INPP4B: variants seen among roughly 807,000 people sequenced by gnomAD.
INPP4B encodes inositol polyphosphate-4-phosphatase type II B.
In INPP4B, 55 loss-of-function variants were observed where a neutral mutation model predicts 122.5. The ratio of observed to expected loss-of-function variants is 0.45; its 90% confidence interval spans 0.36 to 0.56. The LOEUF (loss-of-function observed/expected upper bound fraction) is 0.56, where lower values mean the gene tolerates loss of function less well. Ranked by LOEUF, INPP4B falls within the 20% of genes least tolerant of loss-of-function variation. The pLI, the probability that INPP4B is intolerant of heterozygous loss-of-function variation, is 0.00. For missense variants in INPP4B, 1,000 were observed against 1,097.7 expected, an observed-to-expected ratio of 0.91 and a Z score of 1.26; for synonymous variants, 403 against 388.7, an observed-to-expected ratio of 1.04 and a Z score of -0.43.
chr4:142,259,210 G>C (rs1333896945), intron 11 of INPP4B, among the ~76,000 whole-genome samples: 2 of 115,606 alleles, frequency 1.7e-5, no homozygotes, highest in Admixed American at 1.0e-4. Flanking sequence ...GTTGTGGGGT[G>C]GGGGGAGGGG....
At chr4:142,500,146 C>A (rs1214280190) in intron 2 of INPP4B, among the ~76,000 whole-genome samples, 4 of 152,158 alleles carry the variant, frequency 2.6e-5, no homozygotes, top group African/African-American at 9.7e-5. Context: ...ACTTTTCTCT[C>A]TAGAGGGAAG....
At chr4:142,328,252 C>G (rs1773189528) in intron 7 of INPP4B, among the ~76,000 whole-genome samples, 1 of 152,100 alleles carries the variant, frequency 6.6e-6, no homozygotes, top group East Asian at 1.9e-4. Context: ...AAAAGATTGA[C>G]AAAATTAAGA....
chr4:142,518,527 C>T (rs975691705), intron 2 of INPP4B, among the ~76,000 whole-genome samples: 1 of 152,086 alleles, frequency 6.6e-6, no homozygotes, highest in African/African-American at 2.4e-5. Context: ...AAGGTGACTT[C>T]CTCTAATGAT....
intron 3 of INPP4B, among the ~76,000 whole-genome samples, chr4:142,433,910 T>C (rs1430057483): frequency 1.3e-5 from 2 of 151,506 alleles, no homozygotes; most frequent in Non-Finnish European, 2.9e-5. Flanking sequence ...AAAAAGGAAA[T>C]GGAGATTAAA....
intron 2 of INPP4B, among the ~76,000 whole-genome samples, chr4:142,529,917 T>C (rs138827203): frequency 1.3e-5 from 2 of 152,200 alleles, no homozygotes; most frequent in East Asian, 3.9e-4. Flanking sequence ...AACAGAGGTA[T>C]GTTAAAATTT....
chr4:142,562,078 C>G (rs1027877921), intron 2 of INPP4B, among the ~76,000 whole-genome samples: 4 of 151,954 alleles, frequency 2.6e-5, no homozygotes, highest in Admixed American at 2.0e-4. Flanking sequence ...CAGTTCTGAC[C>G]TAGGAAGAGG....
chr4:142,796,019 G>T (rs1265696505), intron 1 of INPP4B, among the ~76,000 whole-genome samples: 2 of 151,820 alleles, frequency 1.3e-5, no homozygotes, highest in Non-Finnish European at 2.9e-5. Context: ...CACGTTCATT[G>T]CATTTTACAT....
chr4:142,561,519 A>G (rs1324633584), intron 2 of INPP4B, among the ~76,000 whole-genome samples: 3 of 152,108 alleles, frequency 2.0e-5, no homozygotes, highest in Admixed American at 6.5e-5. Flanking sequence ...CCCAGGTTCA[A>G]TCGATTCTTC....
intron 9 of INPP4B, among the ~76,000 whole-genome samples, chr4:142,288,660 T>C (rs1307213139): frequency 1.3e-5 from 2 of 152,204 alleles, no homozygotes; most frequent in East Asian, 3.8e-4. Context: ...TACAGTTCTA[T>C]ACATTGTCCT....
chr4:142,284,224 A>G (rs2150837569), intron 9 of INPP4B, among the ~76,000 whole-genome samples: 1 of 152,278 alleles, frequency 6.6e-6, no homozygotes, highest in East Asian at 1.9e-4. Flanking sequence ...GAGAAATGGG[A>G]CATAAGTTAG....
rs567112808 is a variant in INPP4B, at chr4:142,667,527, C to A, written c.-191+58312G>T. ...CTGATATCTAGTCCTATCTTAGCTGCTTACAAATTGCATAGAAAAATGAGT... is the reference window on the plus strand; with the variant it reads ...CTGATATCTAGTCCTATCTTAGCTGATTACAAATTGCATAGAAAAATGAGT... On this transcript the variant is annotated intron_variant, in intron 2 of 25. Transcript: ENST00000262992. Among the ~76,000 whole-genome samples, 4 of 152,280 alleles carry A rather than the reference C, an allele frequency of 2.6e-5. No homozygotes were observed. In the East Asian group the frequency reaches 7.7e-4, roughly 29 times the overall value.
At chr4:142,666,302 ATTCAT>A (rs1352020313) in intron 2 of INPP4B, among the ~76,000 whole-genome samples, 1 of 152,108 alleles carries the variant, frequency 6.6e-6, no homozygotes. Context: ...ATAATTTTAG[ATTCAT>A]TTCATAAAGT....
chr4:142,514,319 A>G (rs1825133012), intron 2 of INPP4B: 1 of 152,196 alleles, frequency 6.6e-6, no homozygotes, highest in South Asian at 2.1e-4. Context: ...TTAGAAGCCA[A>G]TGCCTTTGTT....
chr4:142,778,239 T>C (rs889890628), intron 1 of INPP4B, among the ~76,000 whole-genome samples: 1 of 152,154 alleles, frequency 6.6e-6, no homozygotes, highest in African/African-American at 2.4e-5. Flanking sequence ...GTTGACTTTT[T>C]TGTCTTCCTT....
intron 2 of INPP4B, among the ~76,000 whole-genome samples, chr4:142,702,234 A>G (rs888269895): frequency 1.3e-5 from 2 of 152,134 alleles, no homozygotes; most frequent in Admixed American, 6.5e-5. Context: ...GTTTGTTACA[A>G]TTGGACACAA....
At chr4:142,597,202 T>C (rs566763594) in intron 2 of INPP4B, among the ~76,000 whole-genome samples, 2 of 152,362 alleles carry the variant, frequency 1.3e-5, no homozygotes, top group East Asian at 3.9e-4. Context: ...TAGGAGTTCC[T>C]GTTTATTATT....
At chr4:142,596,312 T>C (rs1303541884) in intron 2 of INPP4B, among the ~76,000 whole-genome samples, 3 of 152,180 alleles carry the variant, frequency 2.0e-5, no homozygotes, top group Non-Finnish European at 4.4e-5. Context: ...AGTGATATTA[T>C]GTGATGTTTG....
intron 11 of INPP4B, among the ~76,000 whole-genome samples, chr4:142,257,862 C>G (rs1737219615): frequency 6.6e-6 from 1 of 152,126 alleles, no homozygotes; most frequent in Non-Finnish European, 1.5e-5. Flanking sequence ...CTTTCAAGTT[C>G]ATATGGAACC....
chr4:142,466,978 G>C (rs920270512), intron 2 of INPP4B, among the ~76,000 whole-genome samples: 6 of 152,218 alleles, frequency 3.9e-5, no homozygotes, highest in African/African-American at 1.4e-4. Context: ...CAGAATGCAA[G>C]AGTGAAGGAG....
Sources: allele counts gnomAD v4.1 joint callset (sites outside exome capture counted in the v4.1 genomes callset), GRCh38; gene constraint gnomAD v4.1.1; transcripts MANE v1.5; gene names NCBI Gene and HGNC (gene_info 2026-07-23, HGNC 2026-07-21).